SSH2: variants seen among roughly 807,000 people sequenced by gnomAD.
SSH2 encodes protein phosphatase Slingshot homolog 2.
Under a neutral mutation model 135.2 loss-of-function variants are expected in SSH2, and 37 were observed. That is an observed-to-expected ratio of 0.27 (90% CI 0.21 to 0.36). The LOEUF (loss-of-function observed/expected upper bound fraction) is 0.36, where lower values mean the gene tolerates loss of function less well. Ranked by LOEUF, SSH2 falls within the 10% of genes least tolerant of loss-of-function variation. The probability of loss-of-function intolerance (pLI) is 1.00; values close to 1 mark genes in which losing one functional copy is unlikely to be tolerated. For synonymous variants in SSH2, 628 were observed against 646.2 expected (o/e 0.97, Z 0.43); for missense variants, 1,408 against 1,765.3 (o/e 0.80, Z 3.63).
At position 29,636,558 on chromosome 17, in the gene SSH2, C is replaced by T; in HGVS notation, c.1672G>A (p.Glu558Lys). 1 of 1,614,142 alleles carries T rather than the reference C, an allele frequency of 6.2e-7. No individual in the cohort carries two copies. Among genetic ancestry groups the T allele is most frequent in the Non-Finnish European group, 8.5e-7 (1 of 1,180,024 alleles). Residue 558 changes from glutamate (E) to lysine (K), a missense_variant, in exon 15 of 16, where the codon GAG (glutamate) becomes AAG (lysine). Glu to Lys is a moderately conservative substitution (Grantham distance 56). Coordinates refer to ENST00000540801, the MANE Select transcript of SSH2 (RefSeq NM_001282129.2). Reference sequence around the variant, plus strand: ...GCATGAAATTCCCTAGAAGTAAACTCCAAGCAGATCATTCTTTCTTTGGTA... The same window carrying T: ...GCATGAAATTCCCTAGAAGTAAACTTCAAGCAGATCATTCTTTCTTTGGTA... Reference protein sequence around the residue: ...LCTKERMICLEFTSREFHAGQ... With the variant: ...LCTKERMICLKFTSREFHAGQ...
intron 3 of SSH2, among the ~76,000 whole-genome samples, chr17:29,719,103 C>A (rs2039729206): frequency 6.6e-6 from 1 of 152,156 alleles, no homozygotes; most frequent in Non-Finnish European, 1.5e-5. Context: ...ACCCTGGAGG[C>A]CAGCTGCCAC....
chr17:29,688,816 A>T (rs1347048434), intron 5 of SSH2, among the ~76,000 whole-genome samples: 6 of 152,210 alleles, frequency 3.9e-5, no homozygotes, highest in Non-Finnish European at 5.9e-5. Flanking sequence ...AAATCTTTGA[A>T]GAAAAAATTC....
intron 1 of SSH2, among the ~76,000 whole-genome samples, chr17:29,877,700 G>A (rs1599130853): frequency 6.6e-6 from 1 of 151,846 alleles, no homozygotes; most frequent in East Asian, 1.9e-4. Flanking sequence ...AGATAGAGAA[G>A]GATGGTTAAC....
At chr17:29,899,996 A>G (rs576998198) in intron 1 of SSH2, among the ~76,000 whole-genome samples, 57 of 152,308 alleles carry the variant, frequency 3.7e-4, no homozygotes, top group Admixed American at 4.6e-4. Flanking sequence ...CAACTATCTG[A>G]TCTTTGACAA....
intron 3 of SSH2, among the ~76,000 whole-genome samples, chr17:29,705,856 C>A (rs758034390): frequency 6.6e-6 from 1 of 152,180 alleles, no homozygotes; most frequent in Non-Finnish European, 1.5e-5. Flanking sequence ...TCCAATCATA[C>A]TCTATCCTGT....
chr17:29,836,948 T>C (rs1264789401), intron 2 of SSH2, among the ~76,000 whole-genome samples: 1 of 152,200 alleles, frequency 6.6e-6, no homozygotes, highest in African/African-American at 2.4e-5. Flanking sequence ...GGACTTTACA[T>C]TCAGCACTAA....
chr17:29,826,352 T>C (rs1295272338), intron 2 of SSH2, among the ~76,000 whole-genome samples: 1 of 152,078 alleles, frequency 6.6e-6, no homozygotes, highest in East Asian at 1.9e-4. Context: ...CACATGACCA[T>C]GTCAGTTCCC....
chr17:29,907,111 T>G (rs2066667918), intron 1 of SSH2, among the ~76,000 whole-genome samples: 3 of 152,176 alleles, frequency 2.0e-5, no homozygotes, highest in Admixed American at 2.0e-4. Flanking sequence ...GGAATCCATC[T>G]AAATGCCCAT....
intron 1 of SSH2, among the ~76,000 whole-genome samples, chr17:29,852,711 C>T (rs1032206018): frequency 4.6e-5 from 7 of 151,716 alleles, no homozygotes; most frequent in South Asian, 4.2e-4. Flanking sequence ...GCCACCACGC[C>T]GGCTAATTTT....
chr17:29,808,037 A>C (rs1363278447), intron 2 of SSH2, among the ~76,000 whole-genome samples: 1 of 152,204 alleles, frequency 6.6e-6, no homozygotes, highest in Non-Finnish European at 1.5e-5. Flanking sequence ...TTTTGTTTAA[A>C]GACCATTTTC....
chr17:29,876,590 C>A (rs1412155612), intron 1 of SSH2, among the ~76,000 whole-genome samples: 2 of 150,514 alleles, frequency 1.3e-5, no homozygotes, highest in Non-Finnish European at 3.0e-5. Context: ...AGGTTGCCTG[C>A]GAGTTAAACC....
At chr17:29,703,120 G>T in intron 3 of SSH2, 58 bp from the exon 4 acceptor site, 1 of 1,199,338 alleles carries the variant, frequency 8.3e-7, no homozygotes, top group South Asian at 1.2e-5. Context: ...CAAAGAGTAG[G>T]ATGGATAACC....
chr17:29,750,155 T>C (rs2040882618), intron 3 of SSH2, among the ~76,000 whole-genome samples: 1 of 151,630 alleles, frequency 6.6e-6, no homozygotes, highest in African/African-American at 2.4e-5. Context: ...ACAGAAAAAC[T>C]GGCCGGGAGG....
At chr17:29,785,311 C>T (rs888190979) in intron 3 of SSH2, among the ~76,000 whole-genome samples, 3 of 151,978 alleles carry the variant, frequency 2.0e-5, no homozygotes, top group Admixed American at 1.3e-4. Context: ...AAATTAAGAT[C>T]TCAAAGTACT....
At chr17:29,810,627 A>C (rs546293111) in intron 2 of SSH2, among the ~76,000 whole-genome samples, 2 of 152,170 alleles carry the variant, frequency 1.3e-5, no homozygotes, top group Non-Finnish European at 2.9e-5. Context: ...TTGAAATTCT[A>C]CCTTAATCAT....
In SSH2 at chr17:29,687,052, G is replaced by T. The variant is rs554919814; in HGVS notation, c.358-2368C>A. Among the ~76,000 whole-genome samples, 5 of 152,302 alleles carry T rather than the reference G, an allele frequency of 3.3e-5. No homozygotes were observed. In the South Asian group the frequency reaches 1.0e-3, roughly 32 times the overall value. The stretch of plus-strand genomic sequence containing the variant: ...TATAAAATAACCCCTATTCCTTAGA[G>T]AAACAGAATTCTAATCCATCAACTG... On this transcript the variant is annotated intron_variant, in intron 5 of 15. Transcript: ENST00000540801.
At chr17:29,732,544 T>C (rs187806591) in intron 3 of SSH2, among the ~76,000 whole-genome samples, 2 of 152,336 alleles carry the variant, frequency 1.3e-5, no homozygotes, top group Admixed American at 6.5e-5. Context: ...TTTCAGCCTA[T>C]AAGCAGAACA....
chr17:29,856,447 T>C lies in SSH2; in HGVS notation c.64-7518A>G. ...TATTACAGCTGGGCTTGGTGATGCA[T>C]GCCTGTAGTCTCAGCTATGCAAGAG... On this transcript the variant is annotated intron_variant, in intron 1 of 15. Coordinates refer to ENST00000540801, the MANE Select transcript of SSH2 (RefSeq NM_001282129.2). 2.2e-5 allele frequency: 4 copies of C among 179,198 alleles called. No homozygotes were observed. The South Asian group carries it at 4.8e-4, about 22-fold the overall frequency. 11.1% of individuals were successfully genotyped at this position (179,198 alleles called of 1,614,324 possible). A position where few individuals can be genotyped will look rare whatever the true frequency, so the allele number is the denominator to read the frequency against.
intron 9 of SSH2, among the ~76,000 whole-genome samples, chr17:29,668,883 G>A (rs995596157): frequency 6.6e-6 from 1 of 152,106 alleles, no homozygotes; most frequent in Non-Finnish European, 1.5e-5. Flanking sequence ...TTTAATCCCA[G>A]CCCTGCTATT....
Sources: allele counts gnomAD v4.1 joint callset (sites outside exome capture counted in the v4.1 genomes callset), GRCh38; gene constraint gnomAD v4.1.1; transcripts MANE v1.5; gene names NCBI Gene and HGNC (gene_info 2026-07-23, HGNC 2026-07-21).